The following RBBP8 variants were observed in gnomAD, a reference collection of about 807,000 sequenced individuals.
The protein encoded by RBBP8 is RB binding protein 8, endonuclease.
In RBBP8, 88 loss-of-function variants were observed where a neutral mutation model predicts 108.3. The observed-to-expected ratio is 0.81, with a 90% CI of 0.68 to 0.97. The LOEUF (loss-of-function observed/expected upper bound fraction) is 0.97. Ranked by LOEUF, RBBP8 falls within the 50% of genes least tolerant of loss-of-function variation. The pLI is 0.00. For missense variants in RBBP8, 1,023 were observed against 1,049.0 expected, an observed-to-expected ratio of 0.98 and a Z score of 0.34; for synonymous variants, 332 against 348.2, an observed-to-expected ratio of 0.95 and a Z score of 0.52.
At chr18:22,954,361 A>C (rs1912323099) in intron 4 of RBBP8, among the ~76,000 whole-genome samples, 1 of 152,182 alleles carries the variant, frequency 6.6e-6, no homozygotes, top group African/African-American at 2.4e-5. Context: ...CAAATGGGAG[A>C]AATTGGCCAA....
intron 6 of RBBP8, among the ~76,000 whole-genome samples, chr18:22,977,376 C>CT (rs1179503122): frequency 3.3e-5 from 5 of 151,946 alleles, no homozygotes; most frequent in Non-Finnish European, 5.9e-5. Flanking sequence ...TCTAACTCTT[C>CT]TGAGCTAGTT....
At chr18:23,014,582 A>G (rs781221622) in intron 16 of RBBP8, among the ~76,000 whole-genome samples, 2 of 152,174 alleles carry the variant, frequency 1.3e-5, no homozygotes, top group East Asian at 1.9e-4. Flanking sequence ...GCAGTAAGCT[A>G]TGCTCATGCC....
intron 9 of RBBP8, among the ~76,000 whole-genome samples, chr18:22,989,974 C>CT (rs1915569163): frequency 6.6e-6 from 1 of 152,164 alleles, no homozygotes; most frequent in African/African-American, 2.4e-5. Context: ...CAGCTGTACT[C>CT]TTATTAAGTT....
chr18:23,004,402 T>TA (rs1430436368), intron 15 of RBBP8, among the ~76,000 whole-genome samples: 1 of 152,056 alleles, frequency 6.6e-6, no homozygotes, highest in Non-Finnish European at 1.5e-5. Context: ...TTAAGTGAAA[T>TA]AAGCCAGGCA....
chr18:22,926,401 G>A (rs1177763443), intron 3 of RBBP8, among the ~76,000 whole-genome samples: 2 of 152,006 alleles, frequency 1.3e-5, no homozygotes, highest in Admixed American at 6.6e-5. Context: ...CCAGCATGGG[G>A]GATAAGAGCA....
Position 22,916,442 on chromosome 18 carries a change from G to A in RBBP8, c.-239-499G>A, listed in dbSNP as rs888114068. 2.6e-5 allele frequency among the ~76,000 whole-genome samples: 4 copies of A among 151,206 alleles called. No homozygotes were observed. The South Asian group carries it at 6.3e-4, about 24-fold the overall frequency. On this transcript the variant is annotated intron_variant, in intron 2 of 4. Coordinates refer to the RBBP8 transcript ENST00000577588. ...TTATATAATCTAAGGGTAGATCTGG[G>A]GCCAGAACATCCAGGTTTCCTGACT... is the stretch of plus-strand genomic sequence containing the variant.
At chr18:22,925,548 CA>C (rs1462940870) in intron 3 of RBBP8, among the ~76,000 whole-genome samples, 1 of 152,128 alleles carries the variant, frequency 6.6e-6, no homozygotes. Flanking sequence ...CTGTGAAGCA[CA>C]TAATTACATT....
At chr18:22,963,171 C>A (rs946773052) in intron 4 of RBBP8, among the ~76,000 whole-genome samples, 2 of 152,044 alleles carry the variant, frequency 1.3e-5, no homozygotes, top group Non-Finnish European at 2.9e-5. Flanking sequence ...CTTCAAAAAT[C>A]TCTTTTTAAA....
At position 22,989,401 on chromosome 18, in the gene RBBP8, T is replaced by C. The variant is rs533784827; in HGVS notation, c.807+83T>C. On this transcript the variant is annotated intron_variant, in intron 9 of 18. Transcript: ENST00000327155. The stretch of plus-strand genomic sequence containing the variant: ...GTTCTTAGAGAATTAAGCAAGAGAA[T>C]TGTTCTATCTAAAGATCTTGGGTAA... The C allele has an allele frequency of 6.9e-6, 7 of 1,016,572 alleles. No individual in the cohort carries two copies. In the South Asian group the frequency reaches 7.8e-5, roughly 11 times the overall value. 63.0% of individuals were successfully genotyped at this position (1,016,572 alleles called of 1,614,324 possible). A position where few individuals can be genotyped will look rare whatever the true frequency, so the allele number is the denominator to read the frequency against.
upstream of RBBP8, among the ~76,000 whole-genome samples, chr18:22,929,891 G>A (rs1054813805): frequency 6.6e-6 from 1 of 152,084 alleles, no homozygotes; most frequent in African/African-American, 2.4e-5. Flanking sequence ...AAAAAGAGCT[G>A]AACAAAGGCT....
chr18:22,984,841 TC>T, intron 7 of RBBP8, 44 bp from the exon 8 acceptor site: 3 of 1,018,966 alleles, frequency 2.9e-6, no homozygotes, highest in Non-Finnish European at 4.3e-6. Context: ...ATGCTTTTCA[TC>T]ATCATTGTTT....
chr18:22,993,291 T>G lies in RBBP8; in HGVS notation c.1464T>G (p.Asp488Glu). 1 of 1,614,232 alleles carries G rather than the reference T, an allele frequency of 6.2e-7. No homozygotes were observed. The highest frequency in any genetic ancestry group is 8.5e-7 in the Non-Finnish European group (1 of 1,180,040). The change falls in exon 11 of 19, where the codon GAT (aspartate) becomes GAG (glutamate). Residue 488 changes from aspartate to glutamate, a missense_variant. Coordinates refer to ENST00000327155, the MANE Select transcript of RBBP8 (RefSeq NM_002894.3). ...CCATGAATGGAGACTGTGTGATGGA[T>G]AAACCTCTGGATCTGTCTGATCGAT... The part of the protein sequence containing the change: ...QFSMNGDCVM[D>E]KPLDLSDRFS...
At chr18:23,007,396 G>A (rs958568650) in intron 16 of RBBP8, among the ~76,000 whole-genome samples, 2 of 151,782 alleles carry the variant, frequency 1.3e-5, no homozygotes, top group Non-Finnish European at 2.9e-5. Flanking sequence ...AATTGTATAA[G>A]TTTTATGTAG....
rs1238174846 is a variant in RBBP8 at position 23,026,308 on chromosome 18, G to A, written c.*68G>A. On this transcript the variant is annotated 3_prime_UTR_variant, in exon 19 of 19. Coordinates refer to ENST00000327155, the MANE Select transcript of RBBP8 (RefSeq NM_002894.3). ...TCTTAGTTATTTATAGTTAAAGTTG[G>A]TACTAAACATTGATTTTTTTGATCT... 7.9e-7 allele frequency: 1 copy of A among 1,266,492 alleles called. No homozygotes were observed. Among genetic ancestry groups the A allele is most frequent in the East Asian group, 2.4e-5 (1 of 42,412 alleles). The allele number at this position is 1,266,492 out of a possible 1,614,324, so 78.5% of individuals were successfully genotyped here. A position where few individuals can be genotyped will look rare whatever the true frequency, so the allele number is the denominator to read the frequency against.
At chr18:22,952,250 A>G (rs925235042) in intron 4 of RBBP8, among the ~76,000 whole-genome samples, 1 of 152,204 alleles carries the variant, frequency 6.6e-6, no homozygotes, top group Admixed American at 6.5e-5. Flanking sequence ...GTCTATCCAA[A>G]TGGAAATGTC....
At chr18:22,919,021 A>G (rs1351998714) in intron 3 of RBBP8, among the ~76,000 whole-genome samples, 1 of 152,224 alleles carries the variant, frequency 6.6e-6, no homozygotes, top group Non-Finnish European at 1.5e-5. Flanking sequence ...CATTATTTTG[A>G]TAGCAAGTAA....
upstream of RBBP8, chr18:22,929,499 TGTGTGTGTGTGAAGAGACAGGC>T (rs1156970886): frequency 1.5e-4 from 5 of 33,722 alleles, no homozygotes; most frequent in Middle Eastern, 0.014. Flanking sequence ...TGTGTGTGTG[TGTGTGTGTGTGAAGAGACAGGC>T]GGGTGTGTGT....
chr18:22,936,863 G>A lies in RBBP8; in HGVS notation c.12G>A (p.Ser4=), dbSNP rs141481899. MNI[S]GSSCGSPNSA... The stretch of plus-strand genomic sequence containing the variant: ...GCATATTAAGCAAGATGAACATCTC[G>A]GGAAGCAGCTGTGGAAGCCCTAACT... Residue 4 remains serine, a synonymous_variant, in exon 2 of 19, where the codon TCG becomes TCA. Transcript: ENST00000327155. 148 of 1,614,050 alleles carry A rather than the reference G, an allele frequency of 9.2e-5. No homozygotes were observed. The African/African-American group carries it at 1.2e-3, about 13-fold the overall frequency.
chr18:22,998,822 A>T (rs2045900856), intron 14 of RBBP8, among the ~76,000 whole-genome samples: 1 of 152,248 alleles, frequency 6.6e-6, no homozygotes, highest in Non-Finnish European at 1.5e-5. Flanking sequence ...AATGACAAAT[A>T]GCAAACCATA....
Sources: gnomAD v4.1 joint callset for allele counts (sites outside exome capture counted in the v4.1 genomes callset) on GRCh38, gnomAD v4.1.1 for gene constraint, MANE v1.5 for transcripts, NCBI Gene and HGNC (gene_info 2026-07-23, HGNC 2026-07-21) for gene names.